Variants in EHBP1 observed in about 807,000 individuals in gnomAD.
EHBP1 encodes EH domain binding protein 1.
A neutral mutation model predicts 144.0 loss-of-function variants in EHBP1; 55 were observed. The observed-to-expected ratio is 0.38, with a 90% confidence interval of 0.31 to 0.48. The LOEUF (loss-of-function observed/expected upper bound fraction) is 0.48, where lower values mean the gene tolerates loss of function less well. Among genes scored for constraint, EHBP1 ranks in the 20% least tolerant of loss-of-function variants. The pLI is 0.98. For missense variants in EHBP1, 1,200 were observed against 1,364.2 expected (o/e 0.88, Z 1.90); for synonymous variants, 469 against 472.7 (o/e 0.99, Z 0.10).
intron 2 of EHBP1, among the ~76,000 whole-genome samples, chr2:62,707,868 C>T (rs1443696236): frequency 6.6e-6 from 1 of 151,988 alleles, no homozygotes; most frequent in Non-Finnish European, 1.5e-5. Flanking sequence ...ATTTTAATTG[C>T]CTAATGGGAT....
intron 10 of EHBP1, among the ~76,000 whole-genome samples, chr2:62,902,603 A>G (rs1436637302): frequency 6.6e-6 from 1 of 152,212 alleles, no homozygotes; most frequent in African/African-American, 2.4e-5. Context: ...AAATGATTTT[A>G]TGAAGGCTGC....
upstream of EHBP1, among the ~76,000 whole-genome samples, chr2:62,703,379 C>T (rs1367177397): frequency 6.6e-6 from 1 of 152,070 alleles, no homozygotes; most frequent in Admixed American, 6.5e-5. Flanking sequence ...TATTCAATAA[C>T]TATCAGCAAA....
intron 15 of EHBP1, 45 bp from the exon 16 acceptor site, chr2:62,990,671 A>G (rs1436011804): frequency 1.2e-6 from 2 of 1,600,826 alleles, no homozygotes; most frequent in Non-Finnish European, 1.7e-6. Flanking sequence ...CTACATATCT[A>G]AATGCATCTC....
chr2:62,923,736 A>G (rs1381170556), intron 10 of EHBP1, among the ~76,000 whole-genome samples: 2 of 151,890 alleles, frequency 1.3e-5, no homozygotes, highest in Non-Finnish European at 1.5e-5. Flanking sequence ...CCCAAGAAAC[A>G]CTCCGAGGCC....
At chr2:62,800,380 T>C (rs978743228) in intron 5 of EHBP1, among the ~76,000 whole-genome samples, 2 of 152,230 alleles carry the variant, frequency 1.3e-5, no homozygotes, top group Non-Finnish European at 2.9e-5. Flanking sequence ...AGAATGTTAA[T>C]ATCAGAAAGG....
intron 5 of EHBP1, among the ~76,000 whole-genome samples, chr2:62,786,891 C>T (rs1195754874): frequency 6.6e-6 from 1 of 152,140 alleles, no homozygotes; most frequent in Non-Finnish European, 1.5e-5. Context: ...TGATTCCTGT[C>T]TTCAAAACTC....
At chr2:62,683,279 A>C (rs1229902072) in intron 1 of EHBP1, among the ~76,000 whole-genome samples, 1 of 152,168 alleles carries the variant, frequency 6.6e-6, no homozygotes, top group Non-Finnish European at 1.5e-5. Flanking sequence ...ACTCTTGCCC[A>C]GCAATTTTAT....
In EHBP1 at chr2:62,749,270, G is replaced by A. The variant is rs549826587; in HGVS notation, c.162+1818G>A. ...TTGTCCTTAAGATAGTTTGCTGAGA[G>A]TGATGGTTTCCAGCTTCATCCATGT... On this transcript the variant is annotated intron_variant, in intron 3 of 22. Transcript: ENST00000431489. 5.1e-4 allele frequency among the ~76,000 whole-genome samples: 77 copies of A among 152,084 alleles called. 1 individual carries two copies. Among genetic ancestry groups the A allele is most frequent in the South Asian group, 2.3e-3 (11 of 4,820 alleles).
At chr2:62,725,188 C>G (rs2036636652) in intron 2 of EHBP1, among the ~76,000 whole-genome samples, 1 of 152,130 alleles carries the variant, frequency 6.6e-6, no homozygotes, top group South Asian at 2.1e-4. Flanking sequence ...CTCCAAGGTG[C>G]TGGGTGGTGT....
chr2:62,705,383 G>A (rs562797509), upstream of EHBP1, among the ~76,000 whole-genome samples: 36 of 152,152 alleles, frequency 2.4e-4, 1 homozygote, highest in South Asian at 4.8e-3. Flanking sequence ...GCCACCTTCT[G>A]CAATCACCTT....
chr2:62,845,787 A>G (rs1256358337), intron 7 of EHBP1, among the ~76,000 whole-genome samples: 1 of 151,814 alleles, frequency 6.6e-6, no homozygotes, highest in Non-Finnish European at 1.5e-5. Context: ...CGCCTTAGCC[A>G]AAAAAAATTT....
At chr2:62,706,833 T>G (rs535838929) in intron 1 of EHBP1, 64 bp from the exon 2 acceptor site, 8 of 204,098 alleles carry the variant, frequency 3.9e-5, no homozygotes, top group Non-Finnish European at 7.1e-5. Context: ...ACATGGGTGG[T>G]TAGTCATTTC....
intron 3 of EHBP1, among the ~76,000 whole-genome samples, chr2:62,752,491 A>T (rs897097971): frequency 6.6e-6 from 1 of 152,186 alleles, no homozygotes; most frequent in Non-Finnish European, 1.5e-5. Context: ...GATGTCTATT[A>T]GGTCTGCTTG....
At chr2:62,752,108 C>T (rs1412709320) in intron 3 of EHBP1, among the ~76,000 whole-genome samples, 4 of 152,142 alleles carry the variant, frequency 2.6e-5, no homozygotes, top group Non-Finnish European at 5.9e-5. Context: ...CCTGCTTTCT[C>T]TTGTGGTATT....
intron 1 of EHBP1, among the ~76,000 whole-genome samples, chr2:62,698,322 C>G (rs2034170992): frequency 6.6e-6 from 1 of 152,188 alleles, no homozygotes; most frequent in South Asian, 2.1e-4. Context: ...CTGAAGTATG[C>G]TGGTTAGCAG....
chr2:62,820,483 C>T (rs1383473184), intron 5 of EHBP1, among the ~76,000 whole-genome samples: 1 of 151,118 alleles, frequency 6.6e-6, no homozygotes, highest in African/African-American at 2.4e-5. Flanking sequence ...TTCATCATCC[C>T]AAGTAGAAAC....
intron 3 of EHBP1, among the ~76,000 whole-genome samples, chr2:62,762,725 A>G (rs1292482719): frequency 6.6e-6 from 1 of 152,184 alleles, no homozygotes; most frequent in Non-Finnish European, 1.5e-5. Context: ...ACCCCAAGCC[A>G]AGTAACCATC....
intron 5 of EHBP1, among the ~76,000 whole-genome samples, chr2:62,818,626 A>C (rs1427982013): frequency 6.6e-6 from 1 of 152,210 alleles, no homozygotes; most frequent in Admixed American, 6.5e-5. Context: ...ACTGCTCAAA[A>C]TTCAGGAGTT....
At chr2:63,044,303 A>ACTGCCC (rs2061834108) in intron 21 of EHBP1, 1 of 149,852 alleles carries the variant, frequency 6.7e-6, no homozygotes, top group Non-Finnish European at 1.5e-5. Flanking sequence ...TGGAAAGAGC[A>ACTGCCC]CTGCCCATCG....
Sources: allele counts gnomAD v4.1 joint callset (sites outside exome capture counted in the v4.1 genomes callset), GRCh38; gene constraint gnomAD v4.1.1; transcripts MANE v1.5; gene names NCBI Gene and HGNC (gene_info 2026-07-23, HGNC 2026-07-21).